Variants in BFSP2 observed in about 807,000 individuals in gnomAD.
The protein encoded by BFSP2 is beaded filament structural protein 2, also known as phakinin.
A neutral mutation model predicts 44.9 loss-of-function variants in BFSP2; 38 were observed. That is an observed-to-expected ratio of 0.85 (90% confidence interval 0.65 to 1.11). The LOEUF (loss-of-function observed/expected upper bound fraction) is 1.11. Among genes scored for constraint, BFSP2 ranks in the 50% least tolerant of loss-of-function variants. The pLI is 0.00. For missense variants in BFSP2, 525 were observed against 533.0 expected (o/e 0.99, Z 0.15); for synonymous variants, 197 against 209.9 (o/e 0.94, Z 0.53).
chr3:133,463,323 CA>C (rs2074081143), intron 4 of BFSP2, among the ~76,000 whole-genome samples: 1 of 151,978 alleles, frequency 6.6e-6, no homozygotes, highest in African/African-American at 2.4e-5. Flanking sequence ...ACAAAACAAA[CA>C]AAAAACTCTA....
At chr3:133,452,471 C>T (rs2737716) in intron 4 of BFSP2, among the ~76,000 whole-genome samples, 1 of 152,192 alleles carries the variant, frequency 6.6e-6, no homozygotes, top group African/African-American at 2.4e-5. Flanking sequence ...CCCACCCAAC[C>T]TGATGAGAAG....
rs142287167 is a variant in BFSP2, at chr3:133,403,363, C to G, written c.489+2791C>G. On this transcript the variant is annotated intron_variant, in intron 1 of 6. Coordinates refer to ENST00000302334, the MANE Select transcript of BFSP2 (RefSeq NM_003571.4). ...CTCCACCTGCAGCTGCCTCTTCCCC[C>G]CCTTGTCCACAGAACTCCTCCTGGT... 2.1e-3 allele frequency among the ~76,000 whole-genome samples: 314 copies of G among 152,278 alleles called. 3 individuals carry two copies. The highest frequency in any genetic ancestry group is 7.0e-3 in the African/African-American group (289 of 41,534).
At chr3:133,470,005 C>T (rs2074147261) in intron 5 of BFSP2, among the ~76,000 whole-genome samples, 1 of 136,508 alleles carries the variant, frequency 7.3e-6, no homozygotes, top group African/African-American at 2.5e-5. Context: ...AACAACTAGT[C>T]ACAAGTTAAG....
At chr3:133,467,215 G>A (rs143777053) in intron 5 of BFSP2, among the ~76,000 whole-genome samples, 2 of 152,170 alleles carry the variant, frequency 1.3e-5, no homozygotes, top group Non-Finnish European at 2.9e-5. Context: ...ATCTGCAGCC[G>A]CCCCTTTTCA....
chr3:133,458,974 G>A (rs375898191), intron 4 of BFSP2, among the ~76,000 whole-genome samples: 5 of 152,154 alleles, frequency 3.3e-5, no homozygotes, highest in Admixed American at 6.6e-5. Flanking sequence ...AAGAACGCTC[G>A]TCCCAGACTA....
chr3:133,466,454 C>T (rs1036451774), intron 4 of BFSP2, among the ~76,000 whole-genome samples: 1 of 151,362 alleles, frequency 6.6e-6, no homozygotes, highest in Non-Finnish European at 1.5e-5. Flanking sequence ...CCAAGGCATG[C>T]GGATTACCTG....
At chr3:133,466,102 C>A (rs957331645) in intron 4 of BFSP2, among the ~76,000 whole-genome samples, 1 of 152,050 alleles carries the variant, frequency 6.6e-6, no homozygotes. Context: ...ACTGCAATCG[C>A]CTTTGCACCA....
Position 133,475,169 on chromosome 3 carries a change from C to T in BFSP2, c.*197C>T, listed in dbSNP as rs2074202391. ...GTAGTCTGTAGCTTGAGCAATCTCC[C>T]TTGTCCTCCTTCAAATAAATGCTTT... On this transcript the variant is annotated 3_prime_UTR_variant, in exon 7 of 7. Transcript: ENST00000302334. The T allele has an allele frequency of 1.4e-6, 1 of 712,498 alleles. No individual in the cohort carries two copies. The highest frequency in any genetic ancestry group is 2.7e-4 in the Middle Eastern group (1 of 3,754). The allele number at this position is 712,498 out of a possible 1,614,324, so 44.1% of individuals were successfully genotyped here.
intron 1 of BFSP2, chr3:133,410,056 C>A: frequency 5.2e-6 from 1 of 192,348 alleles, no homozygotes. Context: ...GCTCTCTTCT[C>A]TTTGCTGAGC....
At position 133,431,974 on chromosome 3, in the gene BFSP2, T is replaced by G. The variant is rs547807821; in HGVS notation, c.490-15343T>G. On this transcript the variant is annotated intron_variant, in intron 1 of 6. Transcript: ENST00000302334. Reference sequence around the variant, plus strand: ...CCTTCTCCCCAACCCAAAGCCTCCTTTGCGTCTTCCTCTCATATCCCCCCA... The same window carrying G: ...CCTTCTCCCCAACCCAAAGCCTCCTGTGCGTCTTCCTCTCATATCCCCCCA... Among the ~76,000 whole-genome samples, 132 of 152,126 alleles carry G rather than the reference T, an allele frequency of 8.7e-4. 3 individuals are homozygous for G. The highest frequency in any genetic ancestry group is 3.0e-3 in the African/African-American group (123 of 41,476).
chr3:133,465,810 A>T (rs574754068), intron 4 of BFSP2, among the ~76,000 whole-genome samples: 1 of 152,356 alleles, frequency 6.6e-6, no homozygotes, highest in African/African-American at 2.4e-5. Context: ...AATTAAAAAT[A>T]TATACCCTTT....
intron 1 of BFSP2, among the ~76,000 whole-genome samples, chr3:133,414,266 C>T (rs1345938598): frequency 2.6e-5 from 2 of 76,058 alleles, no homozygotes; most frequent in Admixed American, 1.2e-4. Flanking sequence ...CCCTACTCAC[C>T]CCGTCCTCTC....
chr3:133,420,902 G>A (rs1576566509), intron 1 of BFSP2, among the ~76,000 whole-genome samples: 1 of 152,254 alleles, frequency 6.6e-6, no homozygotes, highest in East Asian at 1.9e-4. Context: ...CTGCATCTAT[G>A]CAATCAACTG....
chr3:133,444,588 A>G (rs1250077616), intron 1 of BFSP2, among the ~76,000 whole-genome samples: 4 of 152,144 alleles, frequency 2.6e-5, no homozygotes, highest in Admixed American at 1.3e-4. Flanking sequence ...GAACCAGCCA[A>G]TGAGGGAGGA....
At chr3:133,460,625 G>A (rs370383728) in intron 4 of BFSP2, among the ~76,000 whole-genome samples, 20 of 152,044 alleles carry the variant, frequency 1.3e-4, no homozygotes, top group African/African-American at 4.6e-4. Flanking sequence ...CTTTGTCCCC[G>A]GGGGGCTAAA....
At chr3:133,412,811 T>A (rs2073469489) in intron 1 of BFSP2, among the ~76,000 whole-genome samples, 1 of 152,150 alleles carries the variant, frequency 6.6e-6, no homozygotes, top group Non-Finnish European at 1.5e-5. Context: ...AGGTTTCAAT[T>A]CAGAACTCCA....
At chr3:133,463,555 T>G (rs2074083162) in intron 4 of BFSP2, among the ~76,000 whole-genome samples, 1 of 152,084 alleles carries the variant, frequency 6.6e-6, no homozygotes, top group Non-Finnish European at 1.5e-5. Context: ...TTTACTGGAG[T>G]TGTACACCTG....
At chr3:133,472,730 A>C (rs377190380) in intron 6 of BFSP2, among the ~76,000 whole-genome samples, 165 bp downstream of exon 6, 9 of 152,292 alleles carry the variant, frequency 5.9e-5, no homozygotes, top group African/African-American at 2.2e-4. Context: ...TTTCCTATTC[A>C]CATACAAATA....
chr3:133,414,052 C>T (rs1576560015), intron 1 of BFSP2, among the ~76,000 whole-genome samples: 12 of 140,534 alleles, frequency 8.5e-5, no homozygotes, highest in South Asian at 2.3e-4. Flanking sequence ...CCCCTACTCA[C>T]CCCTCTACTC....
Sources: gnomAD v4.1 joint callset for allele counts (sites outside exome capture counted in the v4.1 genomes callset) on GRCh38, gnomAD v4.1.1 for gene constraint, MANE v1.5 for transcripts, NCBI Gene and HGNC (gene_info 2026-07-23, HGNC 2026-07-21) for gene names.